The following LRRC59 variants were observed in gnomAD, a reference collection of about 807,000 sequenced individuals.
LRRC59 encodes leucine-rich repeat-containing protein 59.
In LRRC59, 18 loss-of-function variants were observed where a neutral mutation model predicts 33.5. The ratio of observed to expected loss-of-function variants is 0.54; its 90% CI spans 0.37 to 0.80. The LOEUF (loss-of-function observed/expected upper bound fraction) is 0.80. LRRC59 is among the 30% of genes least tolerant of loss of function. LRRC59 has a pLI of 0.00. For missense variants in LRRC59, 330 were observed against 391.9 expected (o/e 0.84, Z 1.33); for synonymous variants, 138 against 160.0 (o/e 0.86, Z 1.04).
chr17:50,392,375 C>A, intron 4 of LRRC59, 23 bp downstream of exon 4: 1 of 1,603,042 alleles, frequency 6.2e-7, no homozygotes, highest in Non-Finnish European at 8.5e-7. Flanking sequence ...TAAGGAGCCA[C>A]TGGGAGGGAG....
chr17:50,396,520 G>T (rs1425208229), intron 1 of LRRC59: 1 of 152,266 alleles, frequency 6.6e-6, no homozygotes, highest in African/African-American at 2.4e-5. Flanking sequence ...CTAGTAGGGC[G>T]TTGGCGCGGG....
Position 50,397,450 on chromosome 17 carries a change from C to T in LRRC59, c.-133G>A. The T allele has an allele frequency of 1.8e-6, 1 of 559,632 alleles. No individual in the cohort carries two copies. The highest frequency in any genetic ancestry group is 4.1e-5 in the Admixed American group (1 of 24,654). 34.7% of individuals were successfully genotyped at this position (559,632 alleles called of 1,614,324 possible). A position where few individuals can be genotyped will look rare whatever the true frequency, so the allele number is the denominator to read the frequency against. On this transcript the variant is annotated 5_prime_UTR_variant, in exon 1 of 7. Transcript: ENST00000225972. ...CCCTCCGTCGCCGCCGATGCGAGACCGCCTCCGCCCGCTGGCCGCACTCCG... is the reference window on the plus strand; with the variant it reads ...CCCTCCGTCGCCGCCGATGCGAGACTGCCTCCGCCCGCTGGCCGCACTCCG...
At position 50,397,291 on chromosome 17, in the gene LRRC59, C is replaced by G; in HGVS notation, c.27G>C (p.Gly9=). ...TGCCGTCCAGCTTGTCGCGGAGGTT[C>G]CCGCCCTTGCTACCGGCCTTGGTCA... MTKAGSKG[G]NLRDKLDGNE... The change falls in exon 1 of 7, where the codon GGG becomes GGC. Residue 9 remains glycine (G), a synonymous_variant. Coordinates refer to ENST00000225972, the MANE Select transcript of LRRC59 (RefSeq NM_018509.4). The G allele has an allele frequency of 1.2e-6, 2 of 1,609,434 alleles. No individual in the cohort carries two copies. Among genetic ancestry groups the G allele is most frequent in the Non-Finnish European group, 1.7e-6 (2 of 1,178,280 alleles).
rs115637095 is a variant in LRRC59 at position 50,394,416 on chromosome 17, C to T, written c.165+513G>A. On this transcript the variant is annotated intron_variant, in intron 2 of 6. Transcript: ENST00000225972. ...AGGATTTGATCATGGATTGAATGTG[C>T]TGACCACATTGAGCAAATCTCAACT... Among the ~76,000 whole-genome samples, 697 of 152,314 alleles carry T rather than the reference C, an allele frequency of 4.6e-3. 4 individuals are homozygous for T. Among genetic ancestry groups the T allele is most frequent in the African/African-American group, 0.016 (647 of 41,572 alleles).
chr17:50,396,284 G>A (rs1303810625), intron 1 of LRRC59: 1 of 152,224 alleles, frequency 6.6e-6, no homozygotes. Flanking sequence ...AAGCGTATGA[G>A]ATGGAAACTA....
intron 6 of LRRC59, among the ~76,000 whole-genome samples, chr17:50,383,734 G>A (rs1040061834): frequency 3.7e-4 from 57 of 152,036 alleles, no homozygotes; most frequent in African/African-American, 1.4e-3. Flanking sequence ...TCTGATATAT[G>A]TATCTAGATA....
intron 5 of LRRC59, 115 bp downstream of exon 5, chr17:50,387,945 C>A: frequency 1.0e-6 from 1 of 974,786 alleles, no homozygotes; most frequent in South Asian, 1.3e-5. Flanking sequence ...TGTCCCCCCA[C>A]CGCCCACTAA....
chr17:50,393,172 C>T (rs1914190898), intron 2 of LRRC59, among the ~76,000 whole-genome samples: 1 of 152,164 alleles, frequency 6.6e-6, no homozygotes, highest in Non-Finnish European at 1.5e-5. Context: ...CAGAGGTACC[C>T]CATGTAAAAA....
chr17:50,388,233 G>A, intron 4 of LRRC59, 101 bp from the exon 5 acceptor site: 1 of 1,098,862 alleles, frequency 9.1e-7, no homozygotes, highest in East Asian at 2.4e-5. Context: ...TATCATGGTA[G>A]CAATGTAGAA....
At position 50,382,813 on chromosome 17, in the gene LRRC59, G is replaced by T; in HGVS notation, c.*175C>A. On this transcript the variant is annotated 3_prime_UTR_variant, in exon 7 of 7. Coordinates refer to ENST00000225972, the MANE Select transcript of LRRC59 (RefSeq NM_018509.4). ...TCCCATTTCTCCTCATTCCTTCAGGGAACCCTGACTAAGGAATGAAGAAGT... is the reference window on the plus strand; with the variant it reads ...TCCCATTTCTCCTCATTCCTTCAGGTAACCCTGACTAAGGAATGAAGAAGT... 1 of 832,506 alleles carries T rather than the reference G, an allele frequency of 1.2e-6. No homozygotes were observed. The allele number at this position is 832,506 out of a possible 1,614,324, so 51.6% of individuals were successfully genotyped here.
At chr17:50,392,248 CT>C in intron 4 of LRRC59, 149 bp downstream of exon 4, 2 of 624,538 alleles carry the variant, frequency 3.2e-6, no homozygotes, top group Non-Finnish European at 5.7e-6. Flanking sequence ...ACAAAGGTCT[CT>C]GTTTGACAGG....
rs377207080 is a variant in LRRC59, at chr17:50,381,535, G to A, written c.*1453C>T. The A allele has an allele frequency of 1.3e-5, 2 of 153,156 alleles. No homozygotes were observed. Among genetic ancestry groups the A allele is most frequent in the Non-Finnish European group, 2.9e-5 (2 of 68,430 alleles). 9.5% of individuals were successfully genotyped at this position (153,156 alleles called of 1,614,324 possible). A position where few individuals can be genotyped will look rare whatever the true frequency, so the allele number is the denominator to read the frequency against. ...TGTAGACCTACGCAGCAGAGCTATG[G>A]GGGAGAAGATTAACAAAGTCCTTTC... is the stretch of plus-strand genomic sequence containing the variant. On this transcript the variant is annotated 3_prime_UTR_variant, in exon 7 of 7. Transcript: ENST00000225972.
Position 50,397,230 on chromosome 17 carries a change from C to A in LRRC59, c.88G>T (p.Val30Phe). 1 of 1,602,290 alleles carries A rather than the reference C, an allele frequency of 6.2e-7. No individual in the cohort carries two copies. The highest frequency in any genetic ancestry group is 8.5e-7 in the Non-Finnish European group (1 of 1,175,216). The change falls in exon 1 of 7, where the codon GTC becomes TTC. Residue 30 changes from valine to phenylalanine, a missense_variant. Val to Phe is a conservative substitution (Grantham distance 50). Coordinates refer to ENST00000225972, the MANE Select transcript of LRRC59 (RefSeq NM_018509.4). ...LDLSLSDLNE[V>F]PVKELAALPK... is the part of the protein sequence containing the mutation. ...ATACTGACCAGCTCCTTCACCGGGACCTCATTCAGGTCGCTGAGGCTCAGG... is the reference window on the plus strand; with the variant it reads ...ATACTGACCAGCTCCTTCACCGGGAACTCATTCAGGTCGCTGAGGCTCAGG...
At position 50,383,192 on chromosome 17, in the gene LRRC59, C is replaced by G; in HGVS notation, c.720G>C (p.Lys240Asn). 6.4e-7 allele frequency: 1 copy of G among 1,558,978 alleles called. No homozygotes were observed. The highest frequency in any genetic ancestry group is 8.7e-7 in the Non-Finnish European group (1 of 1,151,144). ...TCAGCACAGCCCAGGAACGAGTGTG[C>G]TTCCGGGGTGGTGGCTTGCGGGGAC... ...GSRPRKPPPR[K>N]HTRSWAVLKL... The change falls in exon 7 of 7, where the codon AAG (lysine) becomes AAC (asparagine). Residue 240 changes from lysine (K) to asparagine (N), a missense_variant. Lys to Asn is a moderately conservative substitution (Grantham distance 94, BLOSUM62 0). Coordinates refer to ENST00000225972, the MANE Select transcript of LRRC59 (RefSeq NM_018509.4).
Position 50,394,991 on chromosome 17 carries a change from A to G in LRRC59, c.106-3T>C, listed in dbSNP as rs759074118. Reference sequence around the variant, plus strand: ...ATGGTGGCCTTTGGAAGGGCAGCCTAGGTAAAAGAGGATGAGAAAAACATG... The same window carrying G: ...ATGGTGGCCTTTGGAAGGGCAGCCTGGGTAAAAGAGGATGAGAAAAACATG... On this transcript the variant is annotated splice_polypyrimidine_tract_variant and splice_region_variant and intron_variant, in intron 1 of 6. Transcript: ENST00000225972. 4.4e-6 allele frequency: 7 copies of G among 1,606,482 alleles called. No homozygotes were observed. The East Asian group carries it at 1.6e-4, about 36-fold the overall frequency.
rs149087944 is a variant in LRRC59 at position 50,383,051 on chromosome 17, C to T, written c.861G>A (p.Ala287=). Residue 287 remains alanine (A), a synonymous_variant, in exon 7 of 7, where the codon GCG becomes GCA. Transcript: ENST00000225972. ...CTSVNTIYDN[A]VQGLRRHEIL... ...TCTCATGGCGGCGTAGACCCTGGACCGCATTGTCATAGATGGTGTTCACGC... is the reference window on the plus strand; with the variant it reads ...TCTCATGGCGGCGTAGACCCTGGACTGCATTGTCATAGATGGTGTTCACGC... The T allele has an allele frequency of 7.1e-5, 115 of 1,612,656 alleles. No homozygotes were observed. The highest frequency in any genetic ancestry group is 1.9e-4 in the Middle Eastern group (1 of 5,190).
chr17:50,386,366 C>G (rs998047206), intron 5 of LRRC59: 5 of 152,208 alleles, frequency 3.3e-5, no homozygotes, highest in African/African-American at 1.2e-4. Flanking sequence ...AAATTACAAC[C>G]TCCAAATTAT....
chr17:50,386,190 A>T (rs1340313301), intron 5 of LRRC59: 1 of 152,190 alleles, frequency 6.6e-6, no homozygotes, highest in African/African-American at 2.4e-5. Context: ...AGGAAGAAAG[A>T]AATCTCTAAC....
chr17:50,392,256 C>G (rs1413820474), intron 4 of LRRC59, 142 bp downstream of exon 4: 1 of 635,698 alleles, frequency 1.6e-6, no homozygotes, highest in Non-Finnish European at 2.8e-6. Flanking sequence ...CTCTGTTTGA[C>G]AGGCTCATAG....
Sources: allele counts gnomAD v4.1 joint callset (sites outside exome capture counted in the v4.1 genomes callset), GRCh38; gene constraint gnomAD v4.1.1; transcripts MANE v1.5; gene names NCBI Gene and HGNC (gene_info 2026-07-23, HGNC 2026-07-21).